Variants in FBN3 observed in about 807,000 individuals in gnomAD.
The protein encoded by FBN3 is fibrillin-3.
FBN3 carries 234 observed loss-of-function variants against 330.1 expected under a neutral mutation model. The ratio of observed to expected loss-of-function variants is 0.71; its 90% CI spans 0.64 to 0.79. The LOEUF is 0.79. FBN3 is among the 30% of genes least tolerant of loss of function. The probability of loss-of-function intolerance (pLI) is 0.00; values close to 1 mark genes in which losing one functional copy is unlikely to be tolerated. For missense variants in FBN3, 3,606 were observed against 3,886.9 expected (o/e 0.93, Z 1.92); for synonymous variants, 1,458 against 1,517.3 (o/e 0.96, Z 0.91).
chr19:8,110,811 C>G (rs2082562045), intron 34 of FBN3, 34 bp downstream of exon 34: 2 of 1,613,928 alleles, frequency 1.2e-6, no homozygotes, highest in South Asian at 1.1e-5. Context: ...CTCCTGCTCT[C>G]TCCTCTCCCC....
chr19:8,136,293 G>A lies in FBN3; in HGVS notation c.1362C>T (p.Thr454=), dbSNP rs2083279516. 6.2e-7 allele frequency: 1 copy of A among 1,602,576 alleles called. No individual in the cohort carries two copies. Among genetic ancestry groups the A allele is most frequent in the Non-Finnish European group, 8.5e-7 (1 of 1,175,436 alleles). ...RGECIDVDEC[T]SSPCHHGDCV... The stretch of plus-strand genomic sequence containing the variant: ...AGTCACCGTGGTGGCAGGGGCTGCT[G>A]GTGCATTCGTCTACATCTGAGGGGA... The change falls in exon 12 of 64, where the codon ACC becomes ACT. Residue 454 remains threonine (T), a synonymous_variant. Transcript: ENST00000600128.
chr19:8,084,092 G>T (rs899815451), intron 56 of FBN3, among the ~76,000 whole-genome samples: 1 of 150,562 alleles, frequency 6.6e-6, no homozygotes, highest in Non-Finnish European at 1.5e-5. Flanking sequence ...GTGAGCCACC[G>T]CGGCCCTCCC....
rs751272762 is a variant in FBN3 at position 8,108,160 on chromosome 19, A to G, written c.4687+10T>C. On this transcript the variant is annotated intron_variant, in intron 37 of 63. Coordinates refer to ENST00000600128, the MANE Select transcript of FBN3 (RefSeq NM_032447.5). ...CAGACAGATGGATGGATGATCTGCC[A>G]GGAACTCACCTTCCAGAATGACAGT... 26 of 1,611,446 alleles carry G rather than the reference A, an allele frequency of 1.6e-5. No homozygotes were observed. Among genetic ancestry groups the G allele is most frequent in the Non-Finnish European group, 2.1e-5 (25 of 1,178,732 alleles).
At chr19:8,135,936 G>GGGGGGGGGGGGGCC in intron 13 of FBN3, 25 bp downstream of exon 13, 17 of 668,758 alleles carry the variant, frequency 2.5e-5, no homozygotes, top group Non-Finnish European at 3.8e-5. Flanking sequence ...GGAAGCCCCT[G>GGGGGGGGGGGGGCC]CCCACCCGCC....
intron 13 of FBN3, 137 bp downstream of exon 13, chr19:8,135,824 G>A: frequency 2.2e-6 from 2 of 895,166 alleles, no homozygotes; most frequent in African/African-American, 1.7e-5. Context: ...CAGGTGGGCT[G>A]CTGGGTTCAG....
At position 8,090,218 on chromosome 19, in the gene FBN3, T is replaced by A. The variant is rs1242738628; in HGVS notation, c.6065A>T (p.Glu2022Val). 1 of 1,613,830 alleles carries A rather than the reference T, an allele frequency of 6.2e-7. No homozygotes were observed. Among genetic ancestry groups the A allele is most frequent in the East Asian group, 2.2e-5 (1 of 44,852 alleles). Residue 2022 changes from glutamate (E) to valine (V), a missense_variant, in exon 49 of 64, where the codon GAG becomes GTG. Physicochemically the swap from Glu to Val is moderately radical, Grantham distance 121. Transcript: ENST00000600128. ...TTTGGGCACCGAGCACTTCCCAGCC[T>A]CAAAACGGGTGAAGCAGAAACTCTG... ...TRQSFCFTRF[E>V]AGKCSVPKAF...
rs1568438073 is a variant in FBN3, at chr19:8,129,256, T to A, written c.2154A>T (p.Ser718=). 1 of 1,614,094 alleles carries A rather than the reference T, an allele frequency of 6.2e-7. No homozygotes were observed. The highest frequency in any genetic ancestry group is 1.1e-5 in the South Asian group (1 of 91,078). The part of the protein sequence containing the change: ...VCNLGYEAGA[S]GKDCTDVDEC... ...CATGCTCACCTGTGCAGTCCTTGCC[T>A]GAGGCACCTGCCTCATAACCCAGGT... The change falls in exon 17 of 64, where the codon TCA becomes TCT. Residue 718 remains serine, a synonymous_variant. Transcript: ENST00000600128. The surrounding 1 kb of genome is among the most constrained non-coding windows in gnomAD (Gnocchi z 4.5).
Position 8,096,581 on chromosome 19 carries a change from G to A in FBN3, c.5414-12C>T, listed in dbSNP as rs2082213870. On this transcript the variant is annotated splice_polypyrimidine_tract_variant and intron_variant, in intron 43 of 63. Transcript: ENST00000600128. The surrounding 1 kb of genome is among the most constrained non-coding windows in gnomAD (Gnocchi z 4.6). ...ACACTCATTCCGTCCTGGGGGTGCA[G>A]AGAGCATGGTGTTCCCAGGGCTCCT... 1 of 1,605,378 alleles carries A rather than the reference G, an allele frequency of 6.2e-7. No homozygotes were observed. Among genetic ancestry groups the A allele is most frequent in the South Asian group, 1.1e-5 (1 of 90,264 alleles).
Position 8,131,947 on chromosome 19 carries a change from T to TTGTTTTTCCAGTTTCC in FBN3, c.1715-119_1715-118insGGAAACTGGAAAAACA. 1 of 1,229,234 alleles carries TTGTTTTTCCAGTTTCC rather than the reference T, an allele frequency of 8.1e-7. No individual in the cohort carries two copies. The highest frequency in any genetic ancestry group is 1.6e-5 in the African/African-American group (1 of 64,482). 76.1% of individuals were successfully genotyped at this position (1,229,234 alleles called of 1,614,324 possible). ...TTCTATTTCTTTCCTTTCCAGTTTC[T>TTGTTTTTCCAGTTTCC]TGTCTTTCCAGTTTCCTGTTGTCTG... On this transcript the variant is annotated intron_variant, in intron 14 of 63. Transcript: ENST00000600128. The surrounding 1 kb of genome is among the most constrained non-coding windows in gnomAD (Gnocchi z 4.5).
chr19:8,077,202 A>C (rs1268990775), intron 59 of FBN3, among the ~76,000 whole-genome samples: 5 of 152,200 alleles, frequency 3.3e-5, no homozygotes, highest in African/African-American at 1.2e-4. Flanking sequence ...GCATTGCTAC[A>C]ATGGTGGGAG....
chr19:8,082,516 CAG>C (rs2081827760), intron 57 of FBN3, among the ~76,000 whole-genome samples: 1 of 149,462 alleles, frequency 6.7e-6, no homozygotes, highest in Non-Finnish European at 1.5e-5. Context: ...TCTTTCTTGA[CAG>C]AGTCTCACTC....
In FBN3 at chr19:8,106,228, C is replaced by T. The variant is rs767659218; in HGVS notation, c.4693G>A (p.Asp1565Asn). Reference sequence around the variant, plus strand: ...AGCCCTGGCAGCTCTTGGCACTCGTCGATGTCTGTCAGGAAGTAAGGAAGC... The same window carrying T: ...AGCCCTGGCAGCTCTTGGCACTCGTTGATGTCTGTCAGGAAGTAAGGAAGC... ...NRITVILEDI[D>N]ECQELPGLCQ... Residue 1565 changes from aspartate to asparagine, a missense_variant, in exon 38 of 64, where the codon GAC (aspartate) becomes AAC (asparagine). Physicochemically the swap from Asp to Asn is conservative, Grantham distance 23. Transcript: ENST00000600128. The T allele has an allele frequency of 6.6e-5, 106 of 1,613,976 alleles. No individual in the cohort carries two copies. The highest frequency in any genetic ancestry group is 1.6e-4 in the Middle Eastern group (1 of 6,084).
At position 8,089,999 on chromosome 19, in the gene FBN3, G is replaced by A. The variant is rs2082057924; in HGVS notation, c.6185-40C>T. The stretch of plus-strand genomic sequence containing the variant: ...GGAGGGGAGTCAGAGTCAGGGCCTA[G>A]GTGCAGCCCCCAGGTGTGTGCAGGG... On this transcript the variant is annotated intron_variant, in intron 49 of 63. Transcript: ENST00000600128. The A allele has an allele frequency of 2.5e-6, 4 of 1,602,894 alleles. No homozygotes were observed. The Admixed American group carries it at 6.8e-5, about 27-fold the overall frequency.
intron 59 of FBN3, among the ~76,000 whole-genome samples, chr19:8,077,946 A>G (rs8105684): frequency 0.62 from 94,893 of 151,888 alleles, 31,329 homozygotes; most frequent in African/African-American, 0.84. Flanking sequence ...GCGTGGTGGC[A>G]CACACCTGTA....
At chr19:8,077,307 A>C (rs1388796586) in intron 59 of FBN3, among the ~76,000 whole-genome samples, 2 of 152,156 alleles carry the variant, frequency 1.3e-5, no homozygotes, top group Non-Finnish European at 2.9e-5. Flanking sequence ...TTGAGTACAG[A>C]GATTCTTGAC....
Position 8,117,189 on chromosome 19 carries a change from G to T in FBN3, c.3566C>A (p.Pro1189His). ...CSCGQGYSLM[P>H]DGRACADVDE... ...CCTACCTGCACATGCCCTTCCGTCG[G>T]GCATCAGCGAGTAGCCCTGCCCACA... The change falls in exon 28 of 64, where the codon CCC (proline) becomes CAC (histidine). Residue 1189 changes from proline (P) to histidine (H), a missense_variant. Physicochemically the swap from Pro to His is moderately conservative, Grantham distance 77. Transcript: ENST00000600128. 1 of 1,614,092 alleles carries T rather than the reference G, an allele frequency of 6.2e-7. No individual in the cohort carries two copies. Among genetic ancestry groups the T allele is most frequent in the Non-Finnish European group, 8.5e-7 (1 of 1,179,976 alleles).
chr19:8,075,188 C>T lies in FBN3; in HGVS notation c.7585G>A (p.Val2529Met). The T allele has an allele frequency of 6.4e-7, 1 of 1,569,062 alleles. No homozygotes were observed. Among genetic ancestry groups the T allele is most frequent in the South Asian group, 1.2e-5 (1 of 84,538 alleles). Residue 2529 changes from valine to methionine, a missense_variant and splice_region_variant, in exon 61 of 64, where the codon GTG becomes ATG. Physicochemically the swap from Val to Met is conservative, Grantham distance 21. Coordinates refer to ENST00000600128, the MANE Select transcript of FBN3 (RefSeq NM_032447.5). Reference protein sequence around the residue: ...LVSSGHGCEDVNECDGPHRCQ... With the variant: ...LVSSGHGCEDMNECDGPHRCQ... ...CGGTGGGGCCCATCACATTCATTCA[C>T]ATCTGAGACATAGAGAGAGGGAGAG... is the stretch of plus-strand genomic sequence containing the variant.
chr19:8,140,139 C>A (rs1288820033), intron 8 of FBN3, among the ~76,000 whole-genome samples: 1 of 152,156 alleles, frequency 6.6e-6, no homozygotes, highest in Non-Finnish European at 1.5e-5. Context: ...AGGCAACAGT[C>A]CCTCAAGCAA....
Position 8,081,340 on chromosome 19 carries a change from G to A in FBN3, c.7336+18C>T, listed in dbSNP as rs1218868991. 1.9e-6 allele frequency: 3 copies of A among 1,584,538 alleles called. No individual in the cohort carries two copies. In the East Asian group the frequency reaches 6.7e-5, roughly 35 times the overall value. On this transcript the variant is annotated intron_variant, in intron 58 of 63. Coordinates refer to ENST00000600128, the MANE Select transcript of FBN3 (RefSeq NM_032447.5). The stretch of plus-strand genomic sequence containing the variant: ...TGCATGCAGTGGTGGGAGTGGGGGA[G>A]AGTTGAAAGGACATCACCTTTGCAG...
Sources: allele counts gnomAD v4.1 joint callset (sites outside exome capture counted in the v4.1 genomes callset), GRCh38; gene constraint gnomAD v4.1.1; non-coding constraint Gnocchi (gnomAD v3.1); transcripts MANE v1.5; gene names NCBI Gene and HGNC (gene_info 2026-07-23, HGNC 2026-07-21).